The following NBR1 variants were observed in gnomAD, a reference collection of about 807,000 sequenced individuals.
NBR1 encodes next to BRCA1 gene 1 protein.
In NBR1, 59 loss-of-function variants were observed where a neutral mutation model predicts 115.5. That is an observed-to-expected ratio of 0.51 (90% CI 0.41 to 0.63). NBR1 has a LOEUF of 0.63. NBR1 is among the 30% of genes least tolerant of loss of function. NBR1 has a pLI of 0.00. For synonymous variants in NBR1, 373 were observed against 414.7 expected, an observed-to-expected ratio of 0.90 and a Z score of 1.22; for missense variants, 1,043 against 1,150.5, an observed-to-expected ratio of 0.91 and a Z score of 1.35.
chr17:43,183,847 A>G (rs1333282928), intron 5 of NBR1, among the ~76,000 whole-genome samples: 1 of 152,028 alleles, frequency 6.6e-6, no homozygotes, highest in Admixed American at 6.6e-5. Context: ...TTTAGTAGAA[A>G]TAGGGCTTCG....
Position 43,195,052 on chromosome 17 carries a change from C to T in NBR1, c.1750+13C>T, listed in dbSNP as rs371227107. On this transcript the variant is annotated intron_variant, in intron 14 of 20. Transcript: ENST00000590996. ...AACACCCCTGTGGGTAAGAATGTCA[C>T]TCATTTCATCTTGTTCGTCTTACTA... is the stretch of plus-strand genomic sequence containing the variant. 3.1e-6 allele frequency: 5 copies of T among 1,605,492 alleles called. No individual in the cohort carries two copies. The African/African-American group carries it at 4.0e-5, about 13-fold the overall frequency.
rs1474604062 is a variant in NBR1, at chr17:43,193,276, A to T, written c.1233+23A>T. ...AAGGTAATTTTTCCCACAAAATGCA[A>T]AGATGAGGTGATTTGAAGTGGCAGA... On this transcript the variant is annotated intron_variant, in intron 11 of 20. Transcript: ENST00000590996. 2 of 1,613,636 alleles carry T rather than the reference A, an allele frequency of 1.2e-6. 1 individual carries two copies. The highest frequency in any genetic ancestry group is 2.7e-5 in the African/African-American group (2 of 74,936).
chr17:43,197,947 T>C (rs912144234), intron 16 of NBR1, among the ~76,000 whole-genome samples: 1 of 151,464 alleles, frequency 6.6e-6, no homozygotes, highest in African/African-American at 2.4e-5. Context: ...AGGTTGGGAG[T>C]TCGAGACCAG....
intron 20 of NBR1, among the ~76,000 whole-genome samples, chr17:43,204,557 T>C (rs1419897630): frequency 2.0e-5 from 3 of 151,994 alleles, no homozygotes; most frequent in Non-Finnish European, 4.4e-5. Flanking sequence ...GGCTCACACC[T>C]GTAATCCCAG....
rs1457287258 is a variant in NBR1, at chr17:43,208,979, A to C, written c.2728-922A>C. Among the ~76,000 whole-genome samples, 5 of 152,210 alleles carry C rather than the reference A, an allele frequency of 3.3e-5. No individual in the cohort carries two copies. In the East Asian group the frequency reaches 7.7e-4, roughly 24 times the overall value. On this transcript the variant is annotated intron_variant, in intron 20 of 20. Coordinates refer to ENST00000590996, the MANE Select transcript of NBR1 (RefSeq NM_005899.5). ...GACACCCTGTCTCAAAAAACAAACA[A>C]AACAACAACAACAACAAAACAAGCG...
rs770571084 is a variant in NBR1 at position 43,193,538 on chromosome 17, G to T, written c.1424G>T (p.Ser475Ile). 1 of 1,613,410 alleles carries T rather than the reference G, an allele frequency of 6.2e-7. No homozygotes were observed. The highest frequency in any genetic ancestry group is 1.7e-5 in the Admixed American group (1 of 59,878). ...CAATTTGGGCCTCGGGTCTGGTGCA[G>T]TATCATAGTAGATCCTTTCCCCTCC... is the stretch of plus-strand genomic sequence containing the variant. Reference protein sequence around the residue: ...GQQFGPRVWCSIIVDPFPSEE... With the variant: ...GQQFGPRVWCIIIVDPFPSEE... The change falls in exon 12 of 21, where the codon AGT (serine) becomes ATT (isoleucine). Residue 475 changes from serine to isoleucine, a missense_variant. Ser to Ile is a moderately radical substitution (Grantham distance 142, BLOSUM62 -2). Transcript: ENST00000590996.
chr17:43,190,001 T>C (rs890471649), intron 8 of NBR1, 199 bp downstream of exon 8: 1 of 589,628 alleles, frequency 1.7e-6, no homozygotes, highest in Admixed American at 3.0e-5. Flanking sequence ...TGTTCAAATG[T>C]GCATTTGGAT....
chr17:43,193,804 C>CTTAACCCTAAGGAAGCGTCTT, intron 12 of NBR1, among the ~76,000 whole-genome samples, 166 bp downstream of exon 12: 1 of 152,284 alleles, frequency 6.6e-6, no homozygotes, highest in East Asian at 1.9e-4. Context: ...TGGCCTCTTC[C>CTTAACCCTAAGGAAGCGTCTT]TTAGGGTGTT....
intron 10 of NBR1, among the ~76,000 whole-genome samples, chr17:43,192,352 T>C (rs2056968404): frequency 6.7e-6 from 1 of 149,450 alleles, no homozygotes; most frequent in Non-Finnish European, 1.5e-5. Context: ...AAAGGGTGGT[T>C]TGGTAGTTTT....
At chr17:43,175,974 A>T (rs766977689) in intron 2 of NBR1, 73 bp downstream of exon 2, 100 of 890,188 alleles carry the variant, frequency 1.1e-4, no homozygotes, top group Admixed American at 1.8e-4. Flanking sequence ...TATTTTTAGC[A>T]GTGTTGTTTC....
At position 43,191,451 on chromosome 17, in the gene NBR1, G is replaced by A. The variant is rs754976385; in HGVS notation, c.943G>A (p.Glu315Lys). The change falls in exon 10 of 21, where the codon GAG (glutamate) becomes AAG (lysine). Residue 315 changes from glutamate to lysine, a missense_variant. Coordinates refer to ENST00000590996, the MANE Select transcript of NBR1 (RefSeq NM_005899.5). ...LRAEKKQRKA[E>K]VKELKKQLKL... Reference sequence around the variant, plus strand: ...AGCTGAGAAGAAACAACGTAAAGCAGAGGTCAAGGAACTTAAAAAGCAGCT... The same window carrying A: ...AGCTGAGAAGAAACAACGTAAAGCAAAGGTCAAGGAACTTAAAAAGCAGCT... The A allele has an allele frequency of 6.2e-7, 1 of 1,613,306 alleles. No homozygotes were observed. The highest frequency in any genetic ancestry group is 8.5e-7 in the Non-Finnish European group (1 of 1,179,580).
chr17:43,202,194 A>AC (rs1185403635), intron 18 of NBR1, among the ~76,000 whole-genome samples: 69 of 150,220 alleles, frequency 4.6e-4, no homozygotes, highest in African/African-American at 1.6e-3. Context: ...AAAAAAAAAA[A>AC]AAACTTGCCC....
intron 15 of NBR1, 151 bp from the exon 16 acceptor site, chr17:43,196,791 T>C (rs1450007705): frequency 1.1e-6 from 1 of 907,086 alleles, no homozygotes; most frequent in Non-Finnish European, 1.7e-6. Flanking sequence ...GGGTAATGAC[T>C]GGTGAATGTT....
chr17:43,181,211 T>G (rs935021347), intron 5 of NBR1, among the ~76,000 whole-genome samples: 1 of 152,142 alleles, frequency 6.6e-6, no homozygotes, highest in Non-Finnish European at 1.5e-5. Flanking sequence ...TGAATTCCAT[T>G]AGTTATGGGG....
Position 43,193,626 on chromosome 17 carries a change from C to T in NBR1, c.1512C>T (p.Thr504=). 1 of 1,608,268 alleles carries T rather than the reference C, an allele frequency of 6.2e-7. No individual in the cohort carries two copies. Among genetic ancestry groups the T allele is most frequent in the African/African-American group, 1.3e-5 (1 of 74,946 alleles). ...MISSSKTDDL[T]CQQEETFLLA... The stretch of plus-strand genomic sequence containing the variant: ...GCTCAAGCAAAACTGATGATCTCAC[C>T]TGCCAGCAAGAGGTGAGCATTGACT... The change falls in exon 12 of 21, where the codon ACC becomes ACT. Residue 504 remains threonine, a synonymous_variant. Coordinates refer to ENST00000590996, the MANE Select transcript of NBR1 (RefSeq NM_005899.5).
At chr17:43,203,908 CT>C in intron 20 of NBR1, 122 bp downstream of exon 20, 1 of 471,428 alleles carries the variant, frequency 2.1e-6, no homozygotes, top group Non-Finnish European at 3.7e-6. Flanking sequence ...TAGATTTAGT[CT>C]TTAGTTAACA....
Position 43,193,553 on chromosome 17 carries a change from C to A in NBR1, c.1439C>A (p.Pro480His). 6.2e-7 allele frequency: 1 copy of A among 1,613,018 alleles called. No individual in the cohort carries two copies. Among genetic ancestry groups the A allele is most frequent in the Non-Finnish European group, 8.5e-7 (1 of 1,179,504 alleles). The change falls in exon 12 of 21, where the codon CCT (proline) becomes CAT (histidine). Residue 480 changes from proline (P) to histidine (H), a missense_variant. Pro to His is a moderately conservative substitution (Grantham distance 77, BLOSUM62 -2). Transcript: ENST00000590996. ...PRVWCSIIVD[P>H]FPSEESPDNI... The stretch of plus-strand genomic sequence containing the variant: ...GTCTGGTGCAGTATCATAGTAGATC[C>A]TTTCCCCTCCGAAGAGAGCCCTGAT...
At chr17:43,182,393 G>A (rs1362923849) in intron 5 of NBR1, among the ~76,000 whole-genome samples, 1 of 150,894 alleles carries the variant, frequency 6.6e-6, no homozygotes, top group Non-Finnish European at 1.5e-5. Context: ...AATTTATTTT[G>A]TAGTTTTTAG....
At chr17:43,197,937 A>C (rs1567862273) in intron 16 of NBR1, among the ~76,000 whole-genome samples, 1 of 151,866 alleles carries the variant, frequency 6.6e-6, no homozygotes. Context: ...GGATCACCTG[A>C]GGTTGGGAGT....
Sources: gnomAD v4.1 joint callset for allele counts (sites outside exome capture counted in the v4.1 genomes callset) on GRCh38, gnomAD v4.1.1 for gene constraint, MANE v1.5 for transcripts, NCBI Gene and HGNC (gene_info 2026-07-23, HGNC 2026-07-21) for gene names.